The following PACRG variants were observed in gnomAD, a reference collection of about 807,000 sequenced individuals.
PACRG encodes parkin coregulated gene protein.
In PACRG, 29 loss-of-function variants were observed where a neutral mutation model predicts 29.7. That is an observed-to-expected ratio of 0.98 (90% CI 0.73 to 1.33). The LOEUF is 1.33. Among genes scored for constraint, PACRG ranks in the 40% most tolerant of loss-of-function variants. The pLI is 0.00. For synonymous variants in PACRG, 116 were observed against 118.7 expected, an observed-to-expected ratio of 0.98 and a Z score of 0.15; for missense variants, 279 against 316.2, an observed-to-expected ratio of 0.88 and a Z score of 0.89.
chr6:162,784,656 A>G, intron 1 of PACRG, among the ~76,000 whole-genome samples: 1 of 152,212 alleles, frequency 6.6e-6, no homozygotes, highest in East Asian at 1.9e-4. Flanking sequence ...TAGGGCTATG[A>G]GAAAACAGAT....
rs1003426126 is a variant in PACRG, at chr6:163,200,898, C to T, written c.613+111490C>T. ...CTTGGGAAGCGCCCTGCACCACCGG[C>T]ATTCCTGGGCCCCAGAACCCAGGCA... On this transcript the variant is annotated intron_variant, in intron 4 of 4. Coordinates refer to ENST00000366888, the MANE Select transcript of PACRG (RefSeq NM_001080379.2). Among the ~76,000 whole-genome samples the T allele has an allele frequency of 3.9e-5, 6 of 152,204 alleles. No individual in the cohort carries two copies. In the East Asian group the frequency reaches 1.2e-3, roughly 29 times the overall value.
intron 3 of PACRG, among the ~76,000 whole-genome samples, chr6:163,068,823 A>T (rs1811785695): frequency 1.4e-5 from 2 of 146,990 alleles, no homozygotes; most frequent in African/African-American, 2.5e-5. Flanking sequence ...TTTTATGTTT[A>T]TTCTCTTATC....
intron 3 of PACRG, among the ~76,000 whole-genome samples, chr6:163,074,915 G>C (rs1448932995): frequency 6.6e-6 from 1 of 152,086 alleles, no homozygotes; most frequent in African/African-American, 2.4e-5. Context: ...GATCGCATGA[G>C]CCCAGGAGCT....
chr6:162,907,715 T>TA (rs1796027016), intron 2 of PACRG, among the ~76,000 whole-genome samples: 1 of 152,128 alleles, frequency 6.6e-6, no homozygotes, highest in African/African-American at 2.4e-5. Context: ...TATTATTTCT[T>TA]AAAAAATGCG....
At chr6:163,259,725 C>A (rs866803503) in intron 4 of PACRG, among the ~76,000 whole-genome samples, 1 of 152,202 alleles carries the variant, frequency 6.6e-6, no homozygotes, top group Non-Finnish European at 1.5e-5. Flanking sequence ...CTACAGTACG[C>A]CTTCCCAGCT....
chr6:162,736,377 A>C (rs1438347467), intron 1 of PACRG, among the ~76,000 whole-genome samples: 2 of 152,210 alleles, frequency 1.3e-5, no homozygotes, highest in Non-Finnish European at 2.9e-5. Context: ...CAGTGCTCAC[A>C]GAAATGTGTA....
rs374288537 is a variant in PACRG at position 162,841,693 on chromosome 6, G to A, written c.291+27412G>A. ...GTTCTTTTAATTGTGATGTTAGGGTGTCAATTTTGGATCTTTCCTGCTTTC... is the reference window on the plus strand; with the variant it reads ...GTTCTTTTAATTGTGATGTTAGGGTATCAATTTTGGATCTTTCCTGCTTTC... On this transcript the variant is annotated intron_variant, in intron 2 of 4. Transcript: ENST00000366888. Among the ~76,000 whole-genome samples the A allele has an allele frequency of 2.6e-3, 386 of 147,968 alleles. 1 individual carries two copies. Among genetic ancestry groups the A allele is most frequent in the East Asian group, 0.011 (56 of 4,880 alleles).
chr6:162,748,474 C>T (rs1445636380), intron 1 of PACRG, among the ~76,000 whole-genome samples: 1 of 152,132 alleles, frequency 6.6e-6, no homozygotes, highest in Admixed American at 6.5e-5. Context: ...GCCTGCGCGA[C>T]AGAGTGAGAC....
At chr6:162,847,837 G>A (rs1790533387) in intron 2 of PACRG, among the ~76,000 whole-genome samples, 1 of 152,112 alleles carries the variant, frequency 6.6e-6, no homozygotes, top group African/African-American at 2.4e-5. Flanking sequence ...TGACCATCAA[G>A]TATTTTATAT....
At chr6:163,073,968 T>C (rs1315501454) in intron 3 of PACRG, among the ~76,000 whole-genome samples, 1 of 152,192 alleles carries the variant, frequency 6.6e-6, no homozygotes, top group Non-Finnish European at 1.5e-5. Flanking sequence ...CATATGCTGT[T>C]GGTGAGAATG....
At chr6:163,262,867 C>CG (rs1491403147) in intron 4 of PACRG, among the ~76,000 whole-genome samples, 8 of 102,772 alleles carry the variant, frequency 7.8e-5, no homozygotes, top group African/African-American at 3.8e-4. Flanking sequence ...CATAGTGAGA[C>CG]CCCCCCCCCC....
intron 2 of PACRG, among the ~76,000 whole-genome samples, chr6:162,944,096 T>G (rs1158380101): frequency 2.6e-5 from 4 of 152,122 alleles, no homozygotes; most frequent in African/African-American, 7.2e-5. Context: ...GGCCCGTCAC[T>G]GCCACCACTG....
chr6:162,759,799 A>T (rs866382091), intron 1 of PACRG, among the ~76,000 whole-genome samples: 15 of 152,180 alleles, frequency 9.9e-5, no homozygotes, highest in Non-Finnish European at 2.1e-4. Context: ...CTTCAGGTAT[A>T]TTATTTGTGT....
intron 2 of PACRG, among the ~76,000 whole-genome samples, chr6:162,875,440 C>G (rs1218471376): frequency 1.3e-5 from 2 of 152,224 alleles, no homozygotes; most frequent in African/African-American, 4.8e-5. Context: ...CACATTCACA[C>G]ACAGGCATTC....
chr6:163,092,686 T>C (rs1814219612), intron 4 of PACRG, among the ~76,000 whole-genome samples: 1 of 152,160 alleles, frequency 6.6e-6, no homozygotes, highest in Non-Finnish European at 1.5e-5. Flanking sequence ...GTAACAACTT[T>C]TCATTAGGGT....
At chr6:162,787,582 G>GTGTGTGTGTGTATATA (rs1198197561) in intron 1 of PACRG, among the ~76,000 whole-genome samples, 1 of 62,418 alleles carries the variant, frequency 1.6e-5, no homozygotes, top group African/African-American at 6.0e-5. Context: ...GTGTGTGTGT[G>GTGTGTGTGTGTATATA]TATATATATA....
intron 4 of PACRG, chr6:163,187,992 A>C (rs1219710545): frequency 6.6e-6 from 1 of 152,216 alleles, no homozygotes; most frequent in African/African-American, 2.4e-5. Flanking sequence ...ATGAGGGGAG[A>C]GTTAAAAAGT....
rs10455917 is a variant in PACRG, at chr6:162,732,935, C to T, written c.156+4544C>T. On this transcript the variant is annotated intron_variant, in intron 1 of 4. Transcript: ENST00000366888. ...TTCTAAAATTTCATCTCCCACTGTT[C>T]TCATTTGCTTCAGTCAATCTGAACC... Among the ~76,000 whole-genome samples, 873 of 152,306 alleles carry T rather than the reference C, an allele frequency of 5.7e-3. 6 individuals are homozygous for T. The highest frequency in any genetic ancestry group is 0.02 in the Middle Eastern group (6 of 294).
chr6:162,731,396 T>G (rs1050865657), intron 1 of PACRG, among the ~76,000 whole-genome samples: 2 of 150,732 alleles, frequency 1.3e-5, no homozygotes, highest in Non-Finnish European at 3.0e-5. Context: ...TGTACAGACT[T>G]TTTTTTTTGA....
Sources: allele counts gnomAD v4.1 joint callset (sites outside exome capture counted in the v4.1 genomes callset), GRCh38; gene constraint gnomAD v4.1.1; transcripts MANE v1.5; gene names NCBI Gene and HGNC (gene_info 2026-07-23, HGNC 2026-07-21).